Variants in PTPRC observed in about 807,000 individuals in gnomAD.
The protein encoded by PTPRC is receptor-type tyrosine-protein phosphatase C.
PTPRC carries 44 observed loss-of-function variants against 155.9 expected under a neutral mutation model. That is an observed-to-expected ratio of 0.28 (90% CI 0.22 to 0.36). PTPRC has a LOEUF of 0.36. Ranked by LOEUF, PTPRC falls within the 10% of genes least tolerant of loss-of-function variation. PTPRC has a pLI of 1.00. For missense variants in PTPRC, 1,401 were observed against 1,564.6 expected, an observed-to-expected ratio of 0.90 and a Z score of 1.76; for synonymous variants, 525 against 533.1, an observed-to-expected ratio of 0.98 and a Z score of 0.21.
intron 2 of PTPRC, among the ~76,000 whole-genome samples, chr1:198,691,432 G>T (rs1414963072): frequency 6.6e-6 from 1 of 151,862 alleles, no homozygotes; most frequent in East Asian, 1.9e-4. Flanking sequence ...CAAAGTCTTG[G>T]TGATTCTTGA....
rs980736337 is a variant in PTPRC at position 198,696,627 on chromosome 1, G to A, written c.101-85G>A. 2.9e-5 allele frequency: 31 copies of A among 1,086,180 alleles called. No individual in the cohort carries two copies. In the Middle Eastern group the frequency reaches 1.4e-3, roughly 48 times the overall value. 67.3% of individuals were successfully genotyped at this position (1,086,180 alleles called of 1,614,324 possible). On this transcript the variant is annotated intron_variant, in intron 3 of 32. Transcript: ENST00000442510. The stretch of plus-strand genomic sequence containing the variant: ...TACATACACACTATAGTGGACTGGG[G>A]AGTTAGTATACTGGGAGGAGCATAC...
At chr1:198,694,516 G>A in intron 3 of PTPRC, 1 of 996,160 alleles carries the variant, frequency 1.0e-6, no homozygotes, top group Non-Finnish European at 1.2e-6. Flanking sequence ...TAGTCTGTTT[G>A]TAATTCACAT....
At chr1:198,753,603 A>T (rs907052123) in intron 31 of PTPRC, among the ~76,000 whole-genome samples, 11 of 152,040 alleles carry the variant, frequency 7.2e-5, no homozygotes, top group Admixed American at 3.9e-4. Context: ...AAAGCTGAGG[A>T]AGGGAAGTTT....
intron 4 of PTPRC, among the ~76,000 whole-genome samples, chr1:198,698,724 T>C (rs1666325992): frequency 6.6e-6 from 1 of 151,954 alleles, no homozygotes; most frequent in South Asian, 2.1e-4. Flanking sequence ...GTTAAGTATA[T>C]ATAAAGTATA....
intron 2 of PTPRC, among the ~76,000 whole-genome samples, chr1:198,645,025 C>A (rs1292893437): frequency 6.6e-6 from 1 of 151,596 alleles, no homozygotes; most frequent in Non-Finnish European, 1.5e-5. Flanking sequence ...AGAATATAAT[C>A]AAAATTTGCA....
chr1:198,656,639 G>GTT lies in PTPRC; in HGVS notation c.73+17303_73+17304dup, dbSNP rs201088832. Among the ~76,000 whole-genome samples, 50 of 85,160 alleles carry GTT rather than the reference G, an allele frequency of 5.9e-4. 2 individuals are homozygous for GTT. Among genetic ancestry groups the GTT allele is most frequent in the East Asian group, 2.5e-3 (6 of 2,434 alleles). 55.9% of individuals were successfully genotyped at this position (85,160 alleles called of 152,430 possible). A position where few individuals can be genotyped will look rare whatever the true frequency, so the allele number is the denominator to read the frequency against. ...TCTGCTACACATCACAGGGCTACTA[G>GTT]TTTTTTGTTTTTTGTTTTTTTTTTT... On this transcript the variant is annotated intron_variant, in intron 2 of 32. Transcript: ENST00000442510.
In PTPRC at chr1:198,750,605, A is replaced by G; in HGVS notation, c.3186A>G (p.Thr1062=). The G allele has an allele frequency of 6.2e-7, 1 of 1,612,794 alleles. No homozygotes were observed. The highest frequency in any genetic ancestry group is 8.5e-7 in the Non-Finnish European group (1 of 1,179,132). Residue 1062 remains threonine, a synonymous_variant, in exon 29 of 33, where the codon ACA becomes ACG. Coordinates refer to ENST00000442510, the MANE Select transcript of PTPRC (RefSeq NM_002838.5). ...AAGTCAAAGTTATTGTTATGCTGAC[A>G]GAACTGAAACATGGAGACCAGGTTT... The part of the protein sequence containing the change: ...QRKVKVIVML[T]ELKHGDQEIC...
intron 2 of PTPRC, among the ~76,000 whole-genome samples, chr1:198,688,323 C>G (rs1455441472): frequency 6.6e-6 from 1 of 151,984 alleles, no homozygotes; most frequent in Non-Finnish European, 1.5e-5. Flanking sequence ...AGATATTATA[C>G]TGTTTTCCAG....
chr1:198,727,284 C>A (rs1286167733), intron 15 of PTPRC, among the ~76,000 whole-genome samples: 2 of 151,706 alleles, frequency 1.3e-5, no homozygotes, highest in Non-Finnish European at 2.9e-5. Flanking sequence ...ATCTTCACAG[C>A]CCTTATATCT....
At chr1:198,670,026 T>C (rs1008549357) in intron 2 of PTPRC, among the ~76,000 whole-genome samples, 1 of 152,204 alleles carries the variant, frequency 6.6e-6, no homozygotes, top group African/African-American at 2.4e-5. Context: ...ATAATTACTA[T>C]TTTTAATGCC....
At chr1:198,651,276 C>T (rs1456983246) in intron 2 of PTPRC, among the ~76,000 whole-genome samples, 2 of 137,368 alleles carry the variant, frequency 1.5e-5, no homozygotes, top group South Asian at 4.9e-4. Context: ...TAAGACAATA[C>T]TTGAACAGAT....
chr1:198,744,849 A>G (rs973783990), intron 26 of PTPRC, among the ~76,000 whole-genome samples: 2 of 151,734 alleles, frequency 1.3e-5, no homozygotes, highest in African/African-American at 2.4e-5. Flanking sequence ...AGAGTTTCTA[A>G]AGACCAGGAG....
intron 2 of PTPRC, among the ~76,000 whole-genome samples, chr1:198,662,140 A>G (rs1362229047): frequency 6.6e-6 from 1 of 152,200 alleles, no homozygotes; most frequent in African/African-American, 2.4e-5. Context: ...TCCATGATGT[A>G]TTGATGTATT....
intron 31 of PTPRC, among the ~76,000 whole-genome samples, chr1:198,753,629 A>G (rs12126429): frequency 1.3e-5 from 2 of 152,048 alleles, no homozygotes; most frequent in Non-Finnish European, 2.9e-5. Context: ...GTAAAACTAT[A>G]TATGTTTCTT....
chr1:198,680,565 C>T (rs1260774895), intron 2 of PTPRC, among the ~76,000 whole-genome samples: 1 of 151,668 alleles, frequency 6.6e-6, no homozygotes, highest in East Asian at 1.9e-4. Context: ...ACTTTGGAAT[C>T]TCCTACTAAA....
chr1:198,700,782 A>T (rs549206850), intron 5 of PTPRC, among the ~76,000 whole-genome samples: 1 of 152,244 alleles, frequency 6.6e-6, no homozygotes, highest in South Asian at 2.1e-4. Flanking sequence ...AAAATCTATT[A>T]GGATTAATCA....
chr1:198,653,699 C>G (rs966969572), intron 2 of PTPRC, among the ~76,000 whole-genome samples: 1 of 151,888 alleles, frequency 6.6e-6, no homozygotes, highest in African/African-American at 2.4e-5. Flanking sequence ...CATGGATCAT[C>G]TTTTTGCTAA....
At chr1:198,653,245 T>A (rs1663352257) in intron 2 of PTPRC, among the ~76,000 whole-genome samples, 1 of 151,874 alleles carries the variant, frequency 6.6e-6, no homozygotes, top group Non-Finnish European at 1.5e-5. Context: ...AGTTTACATG[T>A]CTACGTATAA....
rs116458395 is a variant in PTPRC at position 198,703,171 on chromosome 1, G to A, written c.584-127G>A. ...TTTATTATTTTAAAAACAAGCGAAT[G>A]TCAAATCAAACGAGGACTCCTAGAG... On this transcript the variant is annotated intron_variant, in intron 6 of 32. Transcript: ENST00000442510. The A allele has an allele frequency of 1.8e-4, 228 of 1,293,408 alleles. No individual in the cohort carries two copies. In the African/African-American group the frequency reaches 2.8e-3, roughly 16 times the overall value. The allele number at this position is 1,293,408 out of a possible 1,614,324, so 80.1% of individuals were successfully genotyped here.
Sources: gnomAD v4.1 joint callset for allele counts (sites outside exome capture counted in the v4.1 genomes callset) on GRCh38, gnomAD v4.1.1 for gene constraint, MANE v1.5 for transcripts, NCBI Gene and HGNC (gene_info 2026-07-23, HGNC 2026-07-21) for gene names.